Variants in CAMTA1 observed in about 807,000 individuals in gnomAD.
CAMTA1 encodes the protein calmodulin binding transcription activator 1.
CAMTA1 carries 27 observed loss-of-function variants against 170.9 expected under a neutral mutation model. The observed-to-expected ratio is 0.16, with a 90% CI of 0.12 to 0.22. The LOEUF is 0.22. Among genes scored for constraint, CAMTA1 ranks in the 10% least tolerant of loss-of-function variants. The probability of loss-of-function intolerance (pLI) is 1.00; values close to 1 mark genes in which losing one functional copy is unlikely to be tolerated. For synonymous variants in CAMTA1, 833 were observed against 891.5 expected, an observed-to-expected ratio of 0.93 and a Z score of 1.17; for missense variants, 1,619 against 2,217.2, an observed-to-expected ratio of 0.73 and a Z score of 5.42.
rs920762152 is a variant in CAMTA1, at chr1:6,905,882, A to G, written c.234+80672A>G. Among the ~76,000 whole-genome samples the G allele has an allele frequency of 5.9e-5, 9 of 151,956 alleles. 1 individual carries two copies. Among genetic ancestry groups the G allele is most frequent in the Admixed American group, 5.2e-4 (8 of 15,258 alleles). The stretch of plus-strand genomic sequence containing the variant: ...CAGAGTGCAGAGTTGCTGCCTGTGG[A>G]CCCTATGGGAAGTGCTGCTTCATCC... On this transcript the variant is annotated intron_variant, in intron 3 of 22. Transcript: ENST00000303635.
intron 4 of CAMTA1, among the ~76,000 whole-genome samples, chr1:7,172,786 G>A (rs913277097): frequency 9.2e-5 from 14 of 152,202 alleles, no homozygotes; most frequent in South Asian, 2.1e-4. Flanking sequence ...GACCATGCCC[G>A]TGATGGCTGG....
At chr1:7,029,753 T>A (rs142462084) in intron 3 of CAMTA1, among the ~76,000 whole-genome samples, 2,885 of 152,284 alleles carry the variant, frequency 0.019, 86 homozygotes, top group African/African-American at 0.066. Flanking sequence ...AGCTATACTA[T>A]TTACTGCATT....
At chr1:7,386,012 C>T (rs1014401064) in intron 5 of CAMTA1, among the ~76,000 whole-genome samples, 6 of 152,170 alleles carry the variant, frequency 3.9e-5, no homozygotes, top group East Asian at 1.9e-4. Context: ...CAGAAGCCCA[C>T]CCTGGCTCCT....
Position 7,377,953 on chromosome 1 carries a change from T to C in CAMTA1, c.439-89877T>C, listed in dbSNP as rs535057771. Reference sequence around the variant, plus strand: ...TAATAATTAAAAAAATAAAGTTTTATTGGAACCCCTCCATGCACATTTGTT... The same window carrying C: ...TAATAATTAAAAAAATAAAGTTTTACTGGAACCCCTCCATGCACATTTGTT... On this transcript the variant is annotated intron_variant, in intron 5 of 22. Transcript: ENST00000303635. Among the ~76,000 whole-genome samples, 12 of 152,236 alleles carry C rather than the reference T, an allele frequency of 7.9e-5. No individual in the cohort carries two copies. In the South Asian group the frequency reaches 2.5e-3, roughly 32 times the overall value.
intron 3 of CAMTA1, among the ~76,000 whole-genome samples, chr1:6,889,112 A>G (rs1377189371): frequency 6.6e-6 from 1 of 152,256 alleles, no homozygotes; most frequent in African/African-American, 2.4e-5. Flanking sequence ...TTTCTGATCA[A>G]ACCATTAAAG....
intron 3 of CAMTA1, among the ~76,000 whole-genome samples, chr1:6,926,232 G>A (rs896395961): frequency 6.6e-6 from 1 of 152,120 alleles, no homozygotes; most frequent in African/African-American, 2.4e-5. Flanking sequence ...GTTCTCCCCA[G>A]AGCAGAAGTT....
intron 4 of CAMTA1, among the ~76,000 whole-genome samples, chr1:7,187,913 C>T (rs1653729305): frequency 6.6e-6 from 1 of 152,150 alleles, no homozygotes; most frequent in African/African-American, 2.4e-5. Context: ...TCTGTTATCA[C>T]ACTGCTATAA....
At chr1:7,676,577 T>A (rs758997990) in intron 10 of CAMTA1, among the ~76,000 whole-genome samples, 8 of 152,210 alleles carry the variant, frequency 5.3e-5, no homozygotes, top group Non-Finnish European at 1.2e-4. Flanking sequence ...CTCTATAAGC[T>A]TCTGAAAACC....
At chr1:7,241,215 A>G (rs1664804813) in intron 4 of CAMTA1, among the ~76,000 whole-genome samples, 1 of 152,258 alleles carries the variant, frequency 6.6e-6, no homozygotes, top group Non-Finnish European at 1.5e-5. Context: ...AATAAAGTGC[A>G]TAGGATAAAT....
intron 5 of CAMTA1, among the ~76,000 whole-genome samples, chr1:7,327,092 G>T (rs1042691199): frequency 1.3e-5 from 2 of 152,138 alleles, no homozygotes; most frequent in African/African-American, 4.8e-5. Flanking sequence ...GGATAGGCGG[G>T]GGGGAAAGTC....
At chr1:6,865,147 T>C (rs769593024) in intron 3 of CAMTA1, among the ~76,000 whole-genome samples, 3 of 152,204 alleles carry the variant, frequency 2.0e-5, no homozygotes, top group Non-Finnish European at 4.4e-5. Flanking sequence ...ACACTCTTCA[T>C]TTTTAGCATG....
At chr1:7,616,265 T>C (rs2095557990) in intron 6 of CAMTA1, among the ~76,000 whole-genome samples, 1 of 152,254 alleles carries the variant, frequency 6.6e-6, no homozygotes, top group African/African-American at 2.4e-5. Context: ...AAGCAGGGCG[T>C]TCTGTTTATG....
chr1:7,296,127 C>G (rs1008520901), intron 5 of CAMTA1, among the ~76,000 whole-genome samples: 4 of 152,188 alleles, frequency 2.6e-5, no homozygotes, highest in Non-Finnish European at 5.9e-5. Context: ...CCATGGAACA[C>G]AACAGGAAAG....
At chr1:7,497,142 C>T (rs1024032234) in intron 6 of CAMTA1, among the ~76,000 whole-genome samples, 3 of 152,196 alleles carry the variant, frequency 2.0e-5, no homozygotes, top group Admixed American at 1.3e-4. Context: ...TGAGGCCACT[C>T]GCTGAATGGC....
chr1:7,368,345 A>G lies in CAMTA1; in HGVS notation c.439-99485A>G, dbSNP rs1389056972. ...GCAGACACTGGGCACTTATTGTTTC[A>G]TTGGGTGCAGACACTGGGCATGGAT... On this transcript the variant is annotated intron_variant, in intron 5 of 22. Transcript: ENST00000303635. 2.0e-5 allele frequency among the ~76,000 whole-genome samples: 3 copies of G among 150,294 alleles called. 1 individual carries two copies. In the East Asian group the frequency reaches 5.9e-4, roughly 30 times the overall value.
At chr1:7,318,079 G>A (rs1400070567) in intron 5 of CAMTA1, among the ~76,000 whole-genome samples, 1 of 152,216 alleles carries the variant, frequency 6.6e-6, no homozygotes, top group Admixed American at 6.5e-5. Flanking sequence ...GGAAGATGAC[G>A]GCAAGGCTGA....
At chr1:7,765,466 T>A (rs1218300679) in intron 22 of CAMTA1, among the ~76,000 whole-genome samples, 1 of 152,242 alleles carries the variant, frequency 6.6e-6, no homozygotes. Flanking sequence ...TTAAATTTGT[T>A]TACTACAGTA....
chr1:7,358,598 C>T (rs1021202129), intron 5 of CAMTA1, among the ~76,000 whole-genome samples: 2 of 152,318 alleles, frequency 1.3e-5, no homozygotes, highest in Admixed American at 1.3e-4. Flanking sequence ...AGAGCCCAGA[C>T]TCGCCTCGTC....
intron 5 of CAMTA1, among the ~76,000 whole-genome samples, chr1:7,437,367 G>C (rs1483411954): frequency 6.6e-6 from 1 of 152,134 alleles, no homozygotes; most frequent in African/African-American, 2.4e-5. Context: ...ACCCTGTTCG[G>C]GGCCTCTCTT....
Sources: gnomAD v4.1 joint callset for allele counts (sites outside exome capture counted in the v4.1 genomes callset) on GRCh38, gnomAD v4.1.1 for gene constraint, MANE v1.5 for transcripts, NCBI Gene and HGNC (gene_info 2026-07-23, HGNC 2026-07-21) for gene names.